The following ENTPD1 variants were observed in gnomAD, a reference collection of about 807,000 sequenced individuals.
ENTPD1 encodes the protein ectonucleoside triphosphate diphosphohydrolase 1, also known as ATP diphosphohydrolase.
Under a neutral mutation model 57.0 loss-of-function variants are expected in ENTPD1, and 33 were observed. The observed-to-expected ratio is 0.58, with a 90% CI of 0.44 to 0.77. The LOEUF is 0.77. Among genes scored for constraint, ENTPD1 ranks in the 30% least tolerant of loss-of-function variants. The probability of loss-of-function intolerance (pLI) is 0.00; values close to 1 mark genes in which losing one functional copy is unlikely to be tolerated. For missense variants in ENTPD1, 501 were observed against 603.4 expected (o/e 0.83, Z 1.78); for synonymous variants, 202 against 218.8 (o/e 0.92, Z 0.68).
At chr10:95,760,803 T>C (rs2098055118) in intron 1 of ENTPD1, among the ~76,000 whole-genome samples, 1 of 142,996 alleles carries the variant, frequency 7.0e-6, no homozygotes, top group Non-Finnish European at 1.5e-5. Context: ...GTAAATTACA[T>C]AGAGTTTATT....
At chr10:95,863,017 G>A (rs2098467878) in intron 8 of ENTPD1, among the ~76,000 whole-genome samples, 1 of 152,188 alleles carries the variant, frequency 6.6e-6, no homozygotes, top group Admixed American at 6.5e-5. Flanking sequence ...GGAGAGAGGA[G>A]AGTAGACTTC....
At chr10:95,727,174 C>T (rs1460279044) in intron 1 of ENTPD1, among the ~76,000 whole-genome samples, 2 of 152,076 alleles carry the variant, frequency 1.3e-5, no homozygotes, top group Non-Finnish European at 2.9e-5. Flanking sequence ...TGTGACCTCT[C>T]GATTTGAGTC....
chr10:95,816,869 G>A (rs757285662), intron 1 of ENTPD1, among the ~76,000 whole-genome samples: 1 of 152,244 alleles, frequency 6.6e-6, no homozygotes, highest in Admixed American at 6.5e-5. Context: ...TAGGATTGTA[G>A]TGAAGGCTAA....
At chr10:95,790,338 A>G (rs1164245345) in intron 1 of ENTPD1, among the ~76,000 whole-genome samples, 1 of 152,224 alleles carries the variant, frequency 6.6e-6, no homozygotes, top group East Asian at 1.9e-4. Flanking sequence ...AATAGAAAAT[A>G]TGTGTAAATT....
intron 1 of ENTPD1, among the ~76,000 whole-genome samples, chr10:95,748,718 G>A (rs1318271261): frequency 6.6e-6 from 1 of 151,962 alleles, no homozygotes; most frequent in Non-Finnish European, 1.5e-5. Flanking sequence ...TTTTACATTG[G>A]TTTGAATCAG....
intron 1 of ENTPD1, among the ~76,000 whole-genome samples, chr10:95,807,211 CA>C (rs2098276671): frequency 6.6e-6 from 1 of 152,214 alleles, no homozygotes; most frequent in Non-Finnish European, 1.5e-5. Flanking sequence ...CAAGCCTCAG[CA>C]ATAGTGGATG....
chr10:95,821,521 T>G (rs965038052), intron 1 of ENTPD1, among the ~76,000 whole-genome samples: 1 of 152,154 alleles, frequency 6.6e-6, no homozygotes. Flanking sequence ...AACCAGTCAC[T>G]GGTGAGGGAA....
Position 95,864,489 on chromosome 10 carries a change from T to C in ENTPD1, c.1189-235T>C, listed in dbSNP as rs890068428. 2.6e-5 allele frequency among the ~76,000 whole-genome samples: 4 copies of C among 152,322 alleles called. No homozygotes were observed. The East Asian group carries it at 7.7e-4, about 29-fold the overall frequency. On this transcript the variant is annotated intron_variant, in intron 8 of 9. Coordinates refer to ENST00000371205, the MANE Select transcript of ENTPD1 (RefSeq NM_001776.6). ...ACTACTTTTTTCCTGGAGGACCTGT[T>C]ATTATCTCATAGAAGCCTGTGCAGG...
chr10:95,845,264 T>C, intron 5 of ENTPD1, 93 bp from the exon 6 acceptor site: 1 of 1,584,816 alleles, frequency 6.3e-7, no homozygotes, highest in South Asian at 1.1e-5. Flanking sequence ...ATGCCCCTGT[T>C]TCTTTGCCTT....
At chr10:95,749,021 A>C (rs1197030647) in intron 1 of ENTPD1, among the ~76,000 whole-genome samples, 1 of 152,210 alleles carries the variant, frequency 6.6e-6, no homozygotes, top group Non-Finnish European at 1.5e-5. Context: ...CTTCCATCAG[A>C]AGGCAGAGAA....
chr10:95,713,256 T>C (rs2097967889), intron 1 of ENTPD1, among the ~76,000 whole-genome samples: 2 of 152,304 alleles, frequency 1.3e-5, no homozygotes, highest in East Asian at 1.9e-4. Context: ...TTGTAAACCA[T>C]TGGAAATTCT....
At chr10:95,805,472 G>T (rs1229480018) in intron 1 of ENTPD1, among the ~76,000 whole-genome samples, 1 of 152,060 alleles carries the variant, frequency 6.6e-6, no homozygotes, top group Non-Finnish European at 1.5e-5. Flanking sequence ...TTTTAATTGG[G>T]ACATTTAGCC....
chr10:95,748,715 T>G (rs2098008717), intron 1 of ENTPD1, among the ~76,000 whole-genome samples: 1 of 152,228 alleles, frequency 6.6e-6, no homozygotes, highest in Non-Finnish European at 1.5e-5. Flanking sequence ...TTCTTTTACA[T>G]TGGTTTGAAT....
At chr10:95,817,944 A>G (rs1246914881) in intron 1 of ENTPD1, among the ~76,000 whole-genome samples, 1 of 152,198 alleles carries the variant, frequency 6.6e-6, no homozygotes. Context: ...TTATTGAGTG[A>G]CCAACTGAAA....
chr10:95,718,848 C>T (rs1240930379), intron 1 of ENTPD1, among the ~76,000 whole-genome samples: 1 of 152,172 alleles, frequency 6.6e-6, no homozygotes, highest in Non-Finnish European at 1.5e-5. Context: ...CTAGAAGGTC[C>T]CCTCGAGTGG....
intron 1 of ENTPD1, among the ~76,000 whole-genome samples, chr10:95,765,502 G>A (rs574821909): frequency 6.6e-6 from 1 of 152,240 alleles, no homozygotes; most frequent in African/African-American, 2.4e-5. Context: ...TCCCATAAGT[G>A]TGAGCGTTTT....
chr10:95,720,413 T>G (rs539323971), intron 1 of ENTPD1, among the ~76,000 whole-genome samples: 1 of 152,254 alleles, frequency 6.6e-6, no homozygotes, highest in African/African-American at 2.4e-5. Context: ...GAAAAGCATG[T>G]GAAAGAGTAA....
At chr10:95,755,637 T>G (rs1485138813), upstream of ENTPD1, 18 of 1,504,950 alleles carry the variant, frequency 1.2e-5, no homozygotes, top group Admixed American at 4.0e-5. Context: ...TGCAGGAAAC[T>G]CATCGCTTGG....
At chr10:95,726,262 T>C (rs528086962) in intron 1 of ENTPD1, among the ~76,000 whole-genome samples, 2 of 152,342 alleles carry the variant, frequency 1.3e-5, no homozygotes, top group East Asian at 1.9e-4. Context: ...CATCTACATA[T>C]ACTAGAACCA....
Sources: gnomAD v4.1 joint callset for allele counts (sites outside exome capture counted in the v4.1 genomes callset) on GRCh38, gnomAD v4.1.1 for gene constraint, MANE v1.5 for transcripts, NCBI Gene and HGNC (gene_info 2026-07-23, HGNC 2026-07-21) for gene names.